The following NTNG1 variants were observed in gnomAD, a reference collection of about 807,000 sequenced individuals.
NTNG1 encodes the protein netrin G1, also known as netrin-G1.
A neutral mutation model predicts 54.0 loss-of-function variants in NTNG1; 16 were observed. The observed-to-expected ratio is 0.30, with a 90% CI of 0.20 to 0.45. NTNG1 has a LOEUF of 0.45. NTNG1 is among the 20% of genes least tolerant of loss of function. The pLI, the probability that NTNG1 is intolerant of heterozygous loss-of-function variation, is 1.00. For synonymous variants in NTNG1, 255 were observed against 263.1 expected, an observed-to-expected ratio of 0.97 and a Z score of 0.30; for missense variants, 530 against 678.7, an observed-to-expected ratio of 0.78 and a Z score of 2.43.
At chr1:107,311,398 A>G (rs1667005298) in intron 2 of NTNG1, among the ~76,000 whole-genome samples, 1 of 152,186 alleles carries the variant, frequency 6.6e-6, no homozygotes, top group African/African-American at 2.4e-5. Context: ...TGAAGAAAAA[A>G]TGAACAGCAA....
chr1:107,407,746 G>A, intron 5 of NTNG1, 38 bp downstream of exon 5: 1 of 1,562,630 alleles, frequency 6.4e-7, no homozygotes, highest in Non-Finnish European at 8.8e-7. Context: ...ACCAAACCAA[G>A]TCTAGGCTAG....
intron 2 of NTNG1, among the ~76,000 whole-genome samples, chr1:107,175,909 A>G (rs899702199): frequency 2.6e-5 from 4 of 152,200 alleles, no homozygotes; most frequent in Admixed American, 2.6e-4. Context: ...GCATAGGATC[A>G]TAAGTAGTTT....
At chr1:107,304,045 A>T (rs2101812969) in intron 2 of NTNG1, among the ~76,000 whole-genome samples, 1 of 152,232 alleles carries the variant, frequency 6.6e-6, no homozygotes, top group African/African-American at 2.4e-5. Context: ...TAATTGCAGA[A>T]TTCTCTAGTA....
intron 2 of NTNG1, among the ~76,000 whole-genome samples, chr1:107,186,315 C>A (rs1029809708): frequency 1.3e-5 from 2 of 152,144 alleles, no homozygotes; most frequent in Non-Finnish European, 2.9e-5. Flanking sequence ...CTTATTTGAT[C>A]TTTCTGTGTC....
At chr1:107,318,921 CT>C (rs1667487186) in intron 2 of NTNG1, among the ~76,000 whole-genome samples, 1 of 152,132 alleles carries the variant, frequency 6.6e-6, no homozygotes, top group Non-Finnish European at 1.5e-5. Context: ...AACATATGGC[CT>C]TGTGGACCTT....
At chr1:107,336,103 T>C (rs1668560971) in intron 3 of NTNG1, among the ~76,000 whole-genome samples, 1 of 151,772 alleles carries the variant, frequency 6.6e-6, no homozygotes, top group East Asian at 1.9e-4. Context: ...TATAGAATTT[T>C]AAGGGACCTG....
intron 2 of NTNG1, among the ~76,000 whole-genome samples, chr1:107,200,086 T>G (rs17018607): frequency 0.022 from 3,417 of 151,960 alleles, 124 homozygotes; most frequent in African/African-American, 0.078. Context: ...AGATATGTAC[T>G]CTAGTGACAA....
chr1:107,172,123 C>T (rs1656292584), intron 2 of NTNG1, among the ~76,000 whole-genome samples: 1 of 151,910 alleles, frequency 6.6e-6, no homozygotes, highest in Non-Finnish European at 1.5e-5. Flanking sequence ...GCATTTTGCC[C>T]CTTGCTTATT....
intron 3 of NTNG1, among the ~76,000 whole-genome samples, chr1:107,391,866 C>T (rs1238671120): frequency 1.3e-5 from 2 of 152,118 alleles, no homozygotes; most frequent in Non-Finnish European, 2.9e-5. Context: ...TTGGAGATCA[C>T]ATTTCAACAT....
intron 2 of NTNG1, among the ~76,000 whole-genome samples, chr1:107,229,771 C>T (rs563140481): frequency 6.6e-6 from 1 of 151,802 alleles, no homozygotes; most frequent in East Asian, 1.9e-4. Context: ...TCAAGTGATT[C>T]CTTCACTTAA....
intron 2 of NTNG1, among the ~76,000 whole-genome samples, chr1:107,318,673 G>A (rs895270036): frequency 2.6e-5 from 4 of 152,214 alleles, no homozygotes; most frequent in South Asian, 4.1e-4. Flanking sequence ...GAACAGAAAC[G>A]TTTCGACTGA....
At chr1:107,259,964 A>G (rs1197030293) in intron 2 of NTNG1, among the ~76,000 whole-genome samples, 1 of 152,196 alleles carries the variant, frequency 6.6e-6, no homozygotes, top group Admixed American at 6.5e-5. Context: ...AAAAATACTG[A>G]GCTAGGTGAG....
At chr1:107,434,414 A>G (rs1675469130) in intron 6 of NTNG1, among the ~76,000 whole-genome samples, 1 of 152,196 alleles carries the variant, frequency 6.6e-6, no homozygotes, top group Non-Finnish European at 1.5e-5. Flanking sequence ...CATAGCAATT[A>G]CATGAAGATG....
At chr1:107,375,823 A>G (rs1369727991) in intron 3 of NTNG1, among the ~76,000 whole-genome samples, 1 of 152,222 alleles carries the variant, frequency 6.6e-6, no homozygotes, top group Non-Finnish European at 1.5e-5. Context: ...GCTCAGAATC[A>G]TAGTCTTCTT....
chr1:107,435,626 T>G (rs1304482389), intron 6 of NTNG1, among the ~76,000 whole-genome samples: 1 of 152,108 alleles, frequency 6.6e-6, no homozygotes, highest in Non-Finnish European at 1.5e-5. Flanking sequence ...ATGCCAAACT[T>G]GATTATATTA....
At chr1:107,230,065 G>A (rs1299058372) in intron 2 of NTNG1, among the ~76,000 whole-genome samples, 5 of 152,114 alleles carry the variant, frequency 3.3e-5, no homozygotes, top group African/African-American at 1.2e-4. Flanking sequence ...GCAAAATATG[G>A]AAGATAAATT....
intron 7 of NTNG1, among the ~76,000 whole-genome samples, chr1:107,477,879 T>A (rs1423174567): frequency 6.6e-6 from 1 of 152,234 alleles, no homozygotes; most frequent in Non-Finnish European, 1.5e-5. Context: ...CTCAATGGAA[T>A]TGATAAGGGC....
chr1:107,151,665 T>C (rs1051891078), intron 2 of NTNG1, among the ~76,000 whole-genome samples: 8 of 152,174 alleles, frequency 5.3e-5, no homozygotes, highest in African/African-American at 1.7e-4. Flanking sequence ...TTCTTTAATA[T>C]AAAGTTGAAG....
intron 2 of NTNG1, among the ~76,000 whole-genome samples, chr1:107,279,779 G>A (rs1002089253): frequency 6.6e-6 from 1 of 152,028 alleles, no homozygotes; most frequent in Admixed American, 6.6e-5. Context: ...TTACTCCATT[G>A]GCTTTTATTT....
Sources: gnomAD v4.1 joint callset for allele counts (sites outside exome capture counted in the v4.1 genomes callset) on GRCh38, gnomAD v4.1.1 for gene constraint, MANE v1.5 for transcripts, NCBI Gene and HGNC (gene_info 2026-07-23, HGNC 2026-07-21) for gene names.